SNX24: variants seen among roughly 807,000 people sequenced by gnomAD.
SNX24 encodes sorting nexin 24.
SNX24 carries 22 observed loss-of-function variants against 28.7 expected under a neutral mutation model. The observed-to-expected ratio is 0.77, with a 90% CI of 0.55 to 1.10. The LOEUF is 1.10. Among genes scored for constraint, SNX24 ranks in the 50% least tolerant of loss-of-function variants. The pLI is 0.00. For missense variants in SNX24, 221 were observed against 201.1 expected (o/e 1.10, Z -0.60); for synonymous variants, 69 against 71.5 (o/e 0.96, Z 0.18).
At chr5:122,898,651 C>T (rs958212252) in intron 1 of SNX24, among the ~76,000 whole-genome samples, 1 of 151,926 alleles carries the variant, frequency 6.6e-6, no homozygotes, top group Admixed American at 6.6e-5. Flanking sequence ...CATTTTGTTT[C>T]TTAAAAAAAG....
intron 1 of SNX24, among the ~76,000 whole-genome samples, chr5:122,861,795 A>AG (rs1755471634): frequency 6.6e-6 from 1 of 152,048 alleles, no homozygotes; most frequent in Non-Finnish European, 1.5e-5. Context: ...TCTCATTCTA[A>AG]GGAAGAGCCA....
intron 3 of SNX24, among the ~76,000 whole-genome samples, chr5:122,958,687 T>C (rs1760325688): frequency 6.6e-6 from 1 of 151,426 alleles, no homozygotes; most frequent in South Asian, 2.1e-4. Flanking sequence ...CCCTACTTGG[T>C]CATACTTTAT....
intron 2 of SNX24, among the ~76,000 whole-genome samples, chr5:122,938,717 G>T (rs1759294793): frequency 9.8e-5 from 1 of 10,254 alleles, no homozygotes; most frequent in African/African-American, 1.8e-3. Flanking sequence ...GAGGCGGGCG[G>T]ATCACGAGGT....
At chr5:122,954,516 GT>G (rs952626318) in intron 3 of SNX24, among the ~76,000 whole-genome samples, 245 of 149,768 alleles carry the variant, frequency 1.6e-3, no homozygotes, top group African/African-American at 5.7e-3. Flanking sequence ...GACCAATACT[GT>G]TTTTTTTCTT....
At chr5:122,924,432 G>A (rs1758583078) in intron 1 of SNX24, among the ~76,000 whole-genome samples, 1 of 152,154 alleles carries the variant, frequency 6.6e-6, no homozygotes, top group South Asian at 2.1e-4. Flanking sequence ...TCGTAAAGCT[G>A]CCAGAAAAAG....
At chr5:122,935,029 G>T (rs1283008642) in intron 1 of SNX24, among the ~76,000 whole-genome samples, 1 of 152,138 alleles carries the variant, frequency 6.6e-6, no homozygotes, top group Non-Finnish European at 1.5e-5. Flanking sequence ...AGTAGGTAGA[G>T]CCTTGCCGAG....
intron 5 of SNX24, among the ~76,000 whole-genome samples, chr5:123,017,424 AGTT>A (rs972794586): frequency 2.1e-5 from 3 of 140,998 alleles, no homozygotes; most frequent in African/African-American, 6.3e-5. Context: ...GAAAATAAAA[AGTT>A]GTTTTTTTTT....
At chr5:122,972,408 C>A (rs1760994821) in intron 3 of SNX24, among the ~76,000 whole-genome samples, 1 of 152,174 alleles carries the variant, frequency 6.6e-6, no homozygotes, top group African/African-American at 2.4e-5. Context: ...ATATTGGATG[C>A]TGATTCAAAG....
chr5:122,866,476 C>G (rs1238978455), intron 1 of SNX24, among the ~76,000 whole-genome samples: 1 of 152,142 alleles, frequency 6.6e-6, no homozygotes, highest in Non-Finnish European at 1.5e-5. Context: ...ATACCTCTAC[C>G]CATTCCATAT....
intron 1 of SNX24, among the ~76,000 whole-genome samples, chr5:122,856,608 C>G (rs1021399237): frequency 2.0e-5 from 3 of 151,304 alleles, no homozygotes; most frequent in African/African-American, 7.3e-5. Flanking sequence ...CTCTGCCTCC[C>G]AGGTTCAAAC....
intron 1 of SNX24, among the ~76,000 whole-genome samples, chr5:122,898,585 G>A (rs1757301302): frequency 6.6e-6 from 1 of 152,106 alleles, no homozygotes; most frequent in South Asian, 2.1e-4. Context: ...CTTTGGTCTG[G>A]GAAAGGAGAA....
intron 3 of SNX24, among the ~76,000 whole-genome samples, chr5:122,999,455 T>TACACACAC (rs71928842): frequency 3.1e-4 from 46 of 149,854 alleles, no homozygotes; most frequent in East Asian, 3.9e-4. Context: ...TGTGGGGAGA[T>TACACACAC]ACACACACAC....
At chr5:122,850,777 T>G (rs1485341042) in intron 1 of SNX24, among the ~76,000 whole-genome samples, 2 of 131,434 alleles carry the variant, frequency 1.5e-5, no homozygotes, top group South Asian at 2.6e-4. Flanking sequence ...AAGGGGACAT[T>G]CAGCATAAAA....
At chr5:122,954,433 G>A (rs1282923579) in intron 3 of SNX24, among the ~76,000 whole-genome samples, 1 of 151,020 alleles carries the variant, frequency 6.6e-6, no homozygotes, top group South Asian at 2.1e-4. Context: ...GATATAATTG[G>A]GGTTAGTTCA....
At chr5:123,024,092 A>G in intron 5 of SNX24, 1 of 1,477,268 alleles carries the variant, frequency 6.8e-7, no homozygotes, top group Non-Finnish European at 9.1e-7. Context: ...CCAAAAGCCC[A>G]AGTGGGAAGG....
intron 5 of SNX24, 97 bp downstream of exon 5, chr5:123,001,534 C>T: frequency 1.1e-6 from 1 of 909,368 alleles, no homozygotes; most frequent in Non-Finnish European, 1.7e-6. Flanking sequence ...TCTTAAGAAC[C>T]TTTGTTTGGA....
chr5:122,964,206 G>A (rs1760614314), intron 3 of SNX24, among the ~76,000 whole-genome samples: 1 of 129,594 alleles, frequency 7.7e-6, no homozygotes, highest in South Asian at 2.5e-4. Context: ...TCCTGCCATT[G>A]CACTCCCTCC....
chr5:122,865,170 C>T (rs1755658896), intron 1 of SNX24, among the ~76,000 whole-genome samples: 1 of 152,232 alleles, frequency 6.6e-6, no homozygotes, highest in Non-Finnish European at 1.5e-5. Flanking sequence ...GACCAAATAT[C>T]TGGGCACCCT....
intron 3 of SNX24, among the ~76,000 whole-genome samples, chr5:122,997,152 C>T (rs566694290): frequency 6.6e-6 from 1 of 152,250 alleles, no homozygotes; most frequent in African/African-American, 2.4e-5. Flanking sequence ...GTAAATTCTT[C>T]TGTATTTTAC....
Sources: allele counts gnomAD v4.1 joint callset (sites outside exome capture counted in the v4.1 genomes callset), GRCh38; gene constraint gnomAD v4.1.1; transcripts MANE v1.5; gene names NCBI Gene and HGNC (gene_info 2026-07-23, HGNC 2026-07-21).